The following PAK1 variants were observed in gnomAD, a reference collection of about 807,000 sequenced individuals.
The protein encoded by PAK1 is serine/threonine-protein kinase PAK 1.
Under a neutral mutation model 67.4 loss-of-function variants are expected in PAK1, and 29 were observed. The ratio of observed to expected loss-of-function variants is 0.43; its 90% confidence interval spans 0.32 to 0.59. The LOEUF (loss-of-function observed/expected upper bound fraction) is 0.59, where lower values mean the gene tolerates loss of function less well. Among genes scored for constraint, PAK1 ranks in the 20% least tolerant of loss-of-function variants. The probability of loss-of-function intolerance (pLI) is 0.07; values close to 1 mark genes in which losing one functional copy is unlikely to be tolerated. For synonymous variants in PAK1, 223 were observed against 237.4 expected (o/e 0.94, Z 0.56); for missense variants, 337 against 670.7 (o/e 0.50, Z 5.50).
At chr11:77,472,151 T>A (rs540804507) in intron 1 of PAK1, among the ~76,000 whole-genome samples, 53 of 152,268 alleles carry the variant, frequency 3.5e-4, no homozygotes, top group Non-Finnish European at 6.8e-4. Flanking sequence ...CGAACTCCAG[T>A]AATGTTGGAT....
intron 11 of PAK1, among the ~76,000 whole-genome samples, 191 bp from the exon 12 acceptor site, chr11:77,337,614 C>T (rs1162574727): frequency 2.6e-5 from 4 of 152,200 alleles, no homozygotes; most frequent in African/African-American, 9.6e-5. Flanking sequence ...CCTAGCTAAA[C>T]ATTCTTTTAA....
At chr11:77,356,099 A>C (rs1946002468) in intron 6 of PAK1, 2 of 315,066 alleles carry the variant, frequency 6.3e-6, no homozygotes, top group Non-Finnish European at 5.8e-6. Context: ...GACAACTATC[A>C]AAAGAAATTA....
At chr11:77,413,024 T>G (rs570495536) in intron 1 of PAK1, among the ~76,000 whole-genome samples, 24 of 152,158 alleles carry the variant, frequency 1.6e-4, no homozygotes, top group Non-Finnish European at 2.6e-4. Flanking sequence ...TTCACACATT[T>G]GCAAATGCTC....
the PAK1 span, among the ~76,000 whole-genome samples, chr11:77,501,031 G>C: frequency 6.6e-6 from 1 of 151,776 alleles, no homozygotes; most frequent in Non-Finnish European, 1.5e-5. Flanking sequence ...GGCGCCTGTA[G>C]TCCCAGCTAC....
In PAK1 at chr11:77,379,397, G is replaced by A. The variant is rs762279882; in HGVS notation, c.292-9C>T. The A allele has an allele frequency of 1.9e-6, 3 of 1,610,684 alleles. No homozygotes were observed. Among genetic ancestry groups the A allele is most frequent in the South Asian group, 2.2e-5 (2 of 90,758 alleles). On this transcript the variant is annotated splice_polypyrimidine_tract_variant and intron_variant, in intron 3 of 14. Transcript: ENST00000356341. ...CACTGCTCTGGCATTCCCTGTAAGA[G>A]AGACATGCAAGACTAACAGGAAGGC...
At chr11:77,500,451 A>G in the PAK1 span, among the ~76,000 whole-genome samples, 1 of 152,092 alleles carries the variant, frequency 6.6e-6, no homozygotes, top group Non-Finnish European at 1.5e-5. Flanking sequence ...TGGGCAACAG[A>G]GTGAGACTCC....
chr11:77,371,417 A>T lies in PAK1; in HGVS notation c.477+2911T>A, dbSNP rs1363251000. Among the ~76,000 whole-genome samples the T allele has an allele frequency of 2.0e-5, 3 of 152,208 alleles. No homozygotes were observed. The East Asian group carries it at 5.8e-4, about 29-fold the overall frequency. On this transcript the variant is annotated intron_variant, in intron 5 of 14. Transcript: ENST00000356341. ...TTAATTTTTTTTCTCAAGGATTAAGACAGTGCACGTTCATTTTTGTGTCAC... is the reference window on the plus strand; with the variant it reads ...TTAATTTTTTTTCTCAAGGATTAAGTCAGTGCACGTTCATTTTTGTGTCAC...
chr11:77,353,973 T>A (rs1945645000), intron 7 of PAK1, among the ~76,000 whole-genome samples: 2 of 152,026 alleles, frequency 1.3e-5, no homozygotes, highest in South Asian at 4.1e-4. Flanking sequence ...AGGAGACAGA[T>A]AAGTAAGCAT....
chr11:77,424,383 A>G (rs1955442559), intron 1 of PAK1, among the ~76,000 whole-genome samples: 2 of 152,230 alleles, frequency 1.3e-5, no homozygotes, highest in Admixed American at 1.3e-4. Context: ...GGAAGCAAGT[A>G]TCTAAATTAT....
intron 14 of PAK1, among the ~76,000 whole-genome samples, chr11:77,332,392 GGGAAGGGAAA>G (rs1941839455): frequency 8.4e-6 from 1 of 118,872 alleles, no homozygotes; most frequent in Non-Finnish European, 1.8e-5. Context: ...GGGAAGGGAA[GGGAAGGGAAA>G]GGAAGGGAAG....
upstream of PAK1, chr11:77,474,242 G>A (rs1489369199): frequency 6.6e-6 from 1 of 151,862 alleles, no homozygotes; most frequent in Admixed American, 6.6e-5. Flanking sequence ...CGGCTCCGGT[G>A]GAGCCGTGCC....
At position 77,358,978 on chromosome 11, in the gene PAK1, C is replaced by G. The variant is rs767025994; in HGVS notation, c.517G>C (p.Val173Leu). The G allele has an allele frequency of 6.8e-6, 11 of 1,613,430 alleles. No individual in the cohort carries two copies. Among genetic ancestry groups the G allele is most frequent in the Non-Finnish European group, 9.3e-6 (11 of 1,179,528 alleles). The change falls in exon 6 of 15, where the codon GTT becomes CTT. Residue 173 changes from valine to leucine, a missense_variant. Val to Leu is a conservative substitution (Grantham distance 32, BLOSUM62 1). Coordinates refer to ENST00000356341, the MANE Select transcript of PAK1 (RefSeq NM_002576.5). ...TCATCATCATCCTCATCTTCTGAAA[C>G]TGGTGGCACTGCAGGAGTCTCAGAC... ...AVSETPAVPP[V>L]SEDEDDDDDD...
the PAK1 span, among the ~76,000 whole-genome samples, chr11:77,484,114 C>T: frequency 6.7e-6 from 1 of 150,084 alleles, no homozygotes; most frequent in Non-Finnish European, 1.5e-5. Context: ...CCATAGCAAA[C>T]TGAAGGCTTT....
chr11:77,384,094 C>G (rs758494883), intron 2 of PAK1, among the ~76,000 whole-genome samples: 5 of 152,138 alleles, frequency 3.3e-5, no homozygotes, highest in Non-Finnish European at 7.4e-5. Context: ...AAAGGATGAA[C>G]AGGGGTTAGC....
rs931747446 is a variant in PAK1, at chr11:77,473,636, T to G, written c.-106A>C. Reference sequence around the variant, plus strand: ...CTAGCCGGGAGTGAGGGCGCGAGTGTGCGCGAGCTACCGCTTCACTTTCTC... The same window carrying G: ...CTAGCCGGGAGTGAGGGCGCGAGTGGGCGCGAGCTACCGCTTCACTTTCTC... On this transcript the variant is annotated 5_prime_UTR_variant, in exon 1 of 15. Transcript: ENST00000356341. The G allele has an allele frequency of 1.3e-5, 2 of 151,404 alleles. No individual in the cohort carries two copies. The highest frequency in any genetic ancestry group is 4.9e-5 in the African/African-American group (2 of 41,154). The allele number at this position is 151,404 out of a possible 1,614,324, so 9.4% of individuals were successfully genotyped here. A position where few individuals can be genotyped will look rare whatever the true frequency, so the allele number is the denominator to read the frequency against.
rs368985617 is a variant in PAK1 at position 77,360,307 on chromosome 11, T to C, written c.478-1290A>G. Among the ~76,000 whole-genome samples, 31 of 152,288 alleles carry C rather than the reference T, an allele frequency of 2.0e-4. No homozygotes were observed. The East Asian group carries it at 4.1e-3, about 20-fold the overall frequency. On this transcript the variant is annotated intron_variant, in intron 5 of 14. Transcript: ENST00000356341. Reference sequence around the variant, plus strand: ...CATATATAAGCAGTTGTGGTGACCATAGGCAATAAATCTGTCCTCTTGGTT... The same window carrying C: ...CATATATAAGCAGTTGTGGTGACCACAGGCAATAAATCTGTCCTCTTGGTT...
chr11:77,494,928 C>T, the PAK1 span, among the ~76,000 whole-genome samples: 1 of 151,948 alleles, frequency 6.6e-6, no homozygotes, highest in Non-Finnish European at 1.5e-5. Context: ...TTTTGGGAGG[C>T]CAATATGGGA....
At chr11:77,508,419 T>C in the PAK1 span, among the ~76,000 whole-genome samples, 1 of 152,324 alleles carries the variant, frequency 6.6e-6, no homozygotes, top group South Asian at 2.1e-4. Context: ...TTGGTAAACC[T>C]GTCCTGTGAG....
At chr11:77,385,815 G>A (rs191096928) in intron 2 of PAK1, among the ~76,000 whole-genome samples, 166 of 152,104 alleles carry the variant, frequency 1.1e-3, no homozygotes, top group Admixed American at 2.2e-3. Context: ...CTGAGATCGC[G>A]CCACTGCACT....
Sources: gnomAD v4.1 joint callset for allele counts (sites outside exome capture counted in the v4.1 genomes callset) on GRCh38, gnomAD v4.1.1 for gene constraint, MANE v1.5 for transcripts, NCBI Gene and HGNC (gene_info 2026-07-23, HGNC 2026-07-21) for gene names.